MDFIC2: variants seen among roughly 807,000 people sequenced by gnomAD.
MDFIC2 encodes myoD family inhibitor domain-containing protein 2.
intron 2 of MDFIC2, among the ~76,000 whole-genome samples, chr3:70,253,414 C>T (rs944739957): frequency 2.0e-5 from 3 of 152,142 alleles, no homozygotes; most frequent in African/African-American, 7.2e-5. Flanking sequence ...TGTAGAATAC[C>T]AGAGCCTTGG....
chr3:70,250,225 T>G (rs1701748017), intron 2 of MDFIC2, among the ~76,000 whole-genome samples: 1 of 152,174 alleles, frequency 6.6e-6, no homozygotes, highest in African/African-American at 2.4e-5. Context: ...GCCTCTTAAT[T>G]CTTCTCATCT....
chr3:70,312,242 A>G (rs1207098659), intron 1 of MDFIC2, among the ~76,000 whole-genome samples: 1 of 152,222 alleles, frequency 6.6e-6, no homozygotes, highest in African/African-American at 2.4e-5. Flanking sequence ...TGAAAGAATA[A>G]CAGATTAACA....
intron 3 of MDFIC2, among the ~76,000 whole-genome samples, chr3:70,198,601 C>A (rs114524086): frequency 0.018 from 2,746 of 152,190 alleles, 92 homozygotes; most frequent in African/African-American, 0.061. Context: ...TTCTCTCCAT[C>A]CTCTTTCTCT....
chr3:70,309,134 A>T (rs115195320), intron 2 of MDFIC2, among the ~76,000 whole-genome samples: 144 of 152,260 alleles, frequency 9.5e-4, no homozygotes, highest in African/African-American at 3.4e-3. Flanking sequence ...CTGTTGTGGA[A>T]GTCACTGTAA....
At chr3:70,250,411 T>A (rs9310184) in intron 2 of MDFIC2, among the ~76,000 whole-genome samples, 6,329 of 124,876 alleles carry the variant, frequency 0.051, 258 homozygotes, top group African/African-American at 0.12. Context: ...TTAATGAATC[T>A]CACACACACA....
intron 2 of MDFIC2, among the ~76,000 whole-genome samples, chr3:70,242,112 T>C (rs1468768649): frequency 1.3e-5 from 2 of 152,194 alleles, no homozygotes; most frequent in Non-Finnish European, 2.9e-5. Context: ...TTGTGACATA[T>C]GTATAATAGG....
chr3:70,200,062 C>G (rs1307706922), intron 3 of MDFIC2, among the ~76,000 whole-genome samples: 2 of 152,144 alleles, frequency 1.3e-5, no homozygotes, highest in Non-Finnish European at 2.9e-5. Context: ...TTTTCCTCAT[C>G]ATACCTTCCC....
At chr3:70,261,133 T>C (rs1303107725) in intron 2 of MDFIC2, among the ~76,000 whole-genome samples, 8 of 152,212 alleles carry the variant, frequency 5.3e-5, no homozygotes. Context: ...AGATGTCCAT[T>C]AGCAGATAAT....
intron 3 of MDFIC2, among the ~76,000 whole-genome samples, chr3:70,198,120 T>G (rs1460121590): frequency 6.6e-6 from 1 of 152,176 alleles, no homozygotes; most frequent in African/African-American, 2.4e-5. Flanking sequence ...AAAGGGTAGG[T>G]AAGTGTTCAT....
At chr3:70,248,078 T>C (rs1259054909) in intron 2 of MDFIC2, among the ~76,000 whole-genome samples, 1 of 152,036 alleles carries the variant, frequency 6.6e-6, no homozygotes, top group African/African-American at 2.4e-5. Flanking sequence ...TAACATTTAT[T>C]GAGTATGTAT....
Position 70,274,095 on chromosome 3 carries a change from G to A in MDFIC2, c.88+37791C>T, listed in dbSNP as rs545557738. On this transcript the variant is annotated intron_variant, in intron 2 of 3. Coordinates refer to ENST00000567252, the MANE Select transcript of MDFIC2 (RefSeq NM_001364677.1). ...TGTGTGTGTGTGTGTGTGTGTGCGCGCGCGCATGTGTGTGTGTGAGACTGG... is the reference window on the plus strand; with the variant it reads ...TGTGTGTGTGTGTGTGTGTGTGCGCACGCGCATGTGTGTGTGTGAGACTGG... 4.7e-3 allele frequency among the ~76,000 whole-genome samples: 714 copies of A among 151,168 alleles called. 4 individuals carry two copies. Among genetic ancestry groups the A allele is most frequent in the African/African-American group, 0.016 (652 of 41,156 alleles).
Position 70,206,712 on chromosome 3 carries a change from T to C in MDFIC2, c.167A>G (p.Asn56Ser), listed in dbSNP as rs1261084284. ...AIVINSVSDF[N>S]ITDGPAKENP... ...TTCCTTGGCTGGTCCATCTGTGATA[T>C]TGAAGTCAGATACTGAATTTATAAC... The change falls in exon 3 of 4, where the codon AAT becomes AGT. Residue 56 changes from asparagine (N) to serine (S), a missense_variant. Transcript: ENST00000567252. 7 of 397,802 alleles carry C rather than the reference T, an allele frequency of 1.8e-5. No homozygotes were observed. Among genetic ancestry groups the C allele is most frequent in the Admixed American group, 4.4e-5 (1 of 22,666 alleles). 24.6% of individuals were successfully genotyped at this position (397,802 alleles called of 1,614,324 possible). A position where few individuals can be genotyped will look rare whatever the true frequency, so the allele number is the denominator to read the frequency against.
intron 2 of MDFIC2, among the ~76,000 whole-genome samples, chr3:70,287,338 G>A: frequency 7.1e-6 from 1 of 140,984 alleles, no homozygotes; most frequent in South Asian, 2.5e-4. Flanking sequence ...GTCTTTGGCT[G>A]TGTTTATATG....
intron 2 of MDFIC2, among the ~76,000 whole-genome samples, chr3:70,208,180 G>A (rs925167711): frequency 6.6e-6 from 1 of 152,088 alleles, no homozygotes; most frequent in East Asian, 1.9e-4. Context: ...AACAGTCCTC[G>A]TGGTTTGGTG....
At chr3:70,292,384 A>G (rs1289478607) in intron 2 of MDFIC2, among the ~76,000 whole-genome samples, 1 of 152,152 alleles carries the variant, frequency 6.6e-6, no homozygotes, top group Non-Finnish European at 1.5e-5. Context: ...AGCTAAATCC[A>G]CTATGCCTGA....
chr3:70,291,136 C>A (rs1702235135), intron 2 of MDFIC2: 1 of 152,126 alleles, frequency 6.6e-6, no homozygotes, highest in Non-Finnish European at 1.5e-5. Flanking sequence ...AGCAGTTTTA[C>A]CATAAAAAGT....
intron 2 of MDFIC2, among the ~76,000 whole-genome samples, chr3:70,264,595 A>T (rs1040033103): frequency 6.6e-6 from 1 of 152,256 alleles, no homozygotes; most frequent in Non-Finnish European, 1.5e-5. Flanking sequence ...ATCAGGCCAT[A>T]TACTAAGTCA....
chr3:70,276,740 T>A (rs536253108), intron 2 of MDFIC2, among the ~76,000 whole-genome samples: 1 of 152,368 alleles, frequency 6.6e-6, no homozygotes, highest in African/African-American at 2.4e-5. Context: ...TTATGTATTA[T>A]CTGTGTTTTC....
At chr3:70,205,014 C>G (rs1701277343) in intron 3 of MDFIC2, 1 of 152,062 alleles carries the variant, frequency 6.6e-6, no homozygotes, top group African/African-American at 2.4e-5. Flanking sequence ...TAATCTCTAC[C>G]AAAGCTAGAG....
Sources: allele counts gnomAD v4.1 joint callset (sites outside exome capture counted in the v4.1 genomes callset), GRCh38; gene constraint gnomAD v4.1.1; transcripts MANE v1.5; gene names NCBI Gene and HGNC (gene_info 2026-07-23, HGNC 2026-07-21).